Variants in TBX15 observed in about 807,000 individuals in gnomAD.
The protein encoded by TBX15 is T-box transcription factor TBX15.
Under a neutral mutation model 53.9 loss-of-function variants are expected in TBX15, and 18 were observed. That is an observed-to-expected ratio of 0.33 (90% CI 0.23 to 0.49). TBX15 has a LOEUF of 0.49. Ranked by LOEUF, TBX15 falls within the 20% of genes least tolerant of loss-of-function variation. The pLI, the probability that TBX15 is intolerant of heterozygous loss-of-function variation, is 0.98. For synonymous variants in TBX15, 295 were observed against 278.0 expected, an observed-to-expected ratio of 1.06 and a Z score of -0.61; for missense variants, 692 against 749.5, an observed-to-expected ratio of 0.92 and a Z score of 0.90.
Position 118,884,770 on chromosome 1 carries a change from G to C in TBX15, c.1771C>G (p.Pro591Ala). 6.2e-7 allele frequency: 1 copy of C among 1,614,122 alleles called. No homozygotes were observed. Among genetic ancestry groups the C allele is most frequent in the Non-Finnish European group, 8.5e-7 (1 of 1,180,012 alleles). Residue 591 changes from proline (P) to alanine (A), a missense_variant, in exon 8 of 8, where the codon CCA becomes GCA. Pro to Ala is a conservative substitution (Grantham distance 27). Around this residue, in one of 3 missense-constraint regions of TBX15, gnomAD observed 375 missense variants for 371.6 expected, o/e 1.01. Coordinates refer to ENST00000369429, the MANE Select transcript of TBX15 (RefSeq NM_001330677.2). ...ACGGACATCTGGGAGGAGGAGCCTG[G>C]AACTGCCCCATACTGCCGGCCATCA... ...TCDGRQYGAVPGSSSQMSVHM... is the reference protein window; with the variant it reads ...TCDGRQYGAVAGSSSQMSVHM...
At chr1:118,965,579 A>G (rs1253234579) in intron 1 of TBX15, among the ~76,000 whole-genome samples, 1 of 152,226 alleles carries the variant, frequency 6.6e-6, no homozygotes, top group Non-Finnish European at 1.5e-5. Context: ...CTCTACTTCT[A>G]GAATTTATTC....
intron 2 of TBX15, among the ~76,000 whole-genome samples, chr1:118,927,575 G>A (rs1334400214): frequency 1.3e-5 from 2 of 152,288 alleles, no homozygotes; most frequent in East Asian, 1.9e-4. Flanking sequence ...GTCAGAGGAA[G>A]GACCCTGTGG....
At chr1:118,949,161 A>AG in intron 1 of TBX15, among the ~76,000 whole-genome samples, 1 of 151,970 alleles carries the variant, frequency 6.6e-6, no homozygotes, top group East Asian at 2.0e-4. Flanking sequence ...CACAGGAGTC[A>AG]GGAATAGCAG....
At chr1:118,949,255 C>T (rs560075580) in intron 1 of TBX15, among the ~76,000 whole-genome samples, 1 of 152,332 alleles carries the variant, frequency 6.6e-6, no homozygotes, top group African/African-American at 2.4e-5. Context: ...CAATATCCCT[C>T]TTACATGCTT....
chr1:118,970,197 C>T lies in TBX15; in HGVS notation c.205+17394G>A, dbSNP rs537765624. Among the ~76,000 whole-genome samples, 488 of 152,300 alleles carry T rather than the reference C, an allele frequency of 3.2e-3. 6 individuals are homozygous for T. The highest frequency in any genetic ancestry group is 0.011 in the African/African-American group (465 of 41,558). ...TTAAACATCTTTTCTTCATAAATTA[C>T]CCAGTCTCAGGTAGTTCTTTATAGC... On this transcript the variant is annotated intron_variant, in intron 1 of 7. Transcript: ENST00000369429.
chr1:118,936,803 C>T, intron 1 of TBX15, among the ~76,000 whole-genome samples: 1 of 152,146 alleles, frequency 6.6e-6, no homozygotes, highest in Non-Finnish European at 1.5e-5. Context: ...ATGCCAGAGT[C>T]CAGGTTACAT....
intron 6 of TBX15, among the ~76,000 whole-genome samples, chr1:118,912,963 C>A (rs1402246436): frequency 1.3e-5 from 2 of 152,076 alleles, no homozygotes; most frequent in Non-Finnish European, 2.9e-5. Flanking sequence ...TTTAAAAATT[C>A]TGAGGTGAAT....
At chr1:118,888,941 C>A (rs1198790190) in intron 7 of TBX15, among the ~76,000 whole-genome samples, 1 of 151,694 alleles carries the variant, frequency 6.6e-6, no homozygotes, top group Admixed American at 6.6e-5. Context: ...GGGGGTGGAA[C>A]TATTAACAAG....
intron 1 of TBX15, among the ~76,000 whole-genome samples, chr1:118,939,608 C>T (rs1445598474): frequency 1.3e-5 from 2 of 149,510 alleles, no homozygotes; most frequent in Admixed American, 6.6e-5. Context: ...TCACTACCTG[C>T]GTGATGGGAT....
intron 1 of TBX15, among the ~76,000 whole-genome samples, chr1:118,934,492 T>A (rs932012676): frequency 2.0e-5 from 3 of 152,134 alleles, no homozygotes; most frequent in Non-Finnish European, 4.4e-5. Flanking sequence ...AGAAACAGAA[T>A]CCAAGACCTT....
chr1:118,917,867 C>T (rs1260507489), intron 5 of TBX15, among the ~76,000 whole-genome samples: 2 of 152,160 alleles, frequency 1.3e-5, no homozygotes, highest in Non-Finnish European at 2.9e-5. Context: ...CTTTGCAGAG[C>T]CAGCAGGCCC....
chr1:118,985,500 C>T (rs1657801317), intron 1 of TBX15, among the ~76,000 whole-genome samples: 1 of 152,182 alleles, frequency 6.6e-6, no homozygotes, highest in Non-Finnish European at 1.5e-5. Flanking sequence ...AAGATCTTTT[C>T]TCATCCTATC....
chr1:118,923,971 A>C (rs1274157915), intron 4 of TBX15, among the ~76,000 whole-genome samples: 1 of 152,228 alleles, frequency 6.6e-6, no homozygotes, highest in Admixed American at 6.5e-5. Flanking sequence ...GCTGTCTTTA[A>C]ATTCTACATC....
chr1:118,923,668 AAAAT>A (rs1330502872), intron 4 of TBX15, 65 bp from the exon 5 acceptor site: 1 of 1,586,592 alleles, frequency 6.3e-7, no homozygotes, highest in African/African-American at 1.3e-5. Context: ...TTCTCATGCA[AAAAT>A]AAATCACTAA....
At chr1:118,920,728 A>G (rs1354318576) in intron 5 of TBX15, among the ~76,000 whole-genome samples, 2 of 152,198 alleles carry the variant, frequency 1.3e-5, no homozygotes, top group African/African-American at 4.8e-5. Flanking sequence ...GGAAGCTATC[A>G]TAAGAACCCA....
At chr1:118,947,183 G>T (rs1193174020) in intron 1 of TBX15, among the ~76,000 whole-genome samples, 1 of 152,208 alleles carries the variant, frequency 6.6e-6, no homozygotes, top group Admixed American at 6.5e-5. Context: ...CCCCAGGTAG[G>T]CCTGCCAAGG....
At chr1:118,897,032 T>C (rs1654453719) in intron 7 of TBX15, among the ~76,000 whole-genome samples, 1 of 123,168 alleles carries the variant, frequency 8.1e-6, no homozygotes, top group South Asian at 3.5e-4. Context: ...TGAGGGTCAC[T>C]GAAGCGTTTT....
At chr1:118,944,570 T>C (rs1469077938) in intron 1 of TBX15, among the ~76,000 whole-genome samples, 4 of 152,176 alleles carry the variant, frequency 2.6e-5, no homozygotes, top group Non-Finnish European at 4.4e-5. Flanking sequence ...AAATAGCTGG[T>C]GTGTTGTTGA....
At chr1:118,915,673 T>C (rs1372964742) in intron 5 of TBX15, among the ~76,000 whole-genome samples, 7 of 152,202 alleles carry the variant, frequency 4.6e-5, no homozygotes, top group African/African-American at 2.4e-5. Flanking sequence ...CAGTTCTTTC[T>C]TCCTCCATAA....
Sources: allele counts gnomAD v4.1 joint callset (sites outside exome capture counted in the v4.1 genomes callset), GRCh38; gene constraint gnomAD v4.1.1; regional missense constraint gnomAD v4.1.1; transcripts MANE v1.5; gene names NCBI Gene and HGNC (gene_info 2026-07-23, HGNC 2026-07-21).